The following SUSD2 variants were observed in gnomAD, a reference collection of about 807,000 sequenced individuals.
SUSD2 encodes sushi domain containing 2.
SUSD2 carries 86 observed loss-of-function variants against 93.8 expected under a neutral mutation model. That is an observed-to-expected ratio of 0.92 (90% CI 0.77 to 1.10). The LOEUF (loss-of-function observed/expected upper bound fraction) is 1.10, where lower values mean the gene tolerates loss of function less well. Ranked by LOEUF, SUSD2 falls within the 50% of genes least tolerant of loss-of-function variation. The pLI, the probability that SUSD2 is intolerant of heterozygous loss-of-function variation, is 0.00. For synonymous variants in SUSD2, 483 were observed against 485.0 expected, an observed-to-expected ratio of 1.00 and a Z score of 0.05; for missense variants, 1,060 against 1,137.0, an observed-to-expected ratio of 0.93 and a Z score of 0.97.
Position 24,181,560 on chromosome 22 carries a change from C to A in SUSD2, c.41C>A (p.Ala14Glu). Residue 14 changes from alanine to glutamate, a missense_variant, in exon 1 of 15, where the codon GCG becomes GAG. Physicochemically the swap from Ala to Glu is moderately radical, Grantham distance 107 (BLOSUM62 -1). Coordinates refer to ENST00000358321, the MANE Select transcript of SUSD2 (RefSeq NM_019601.4). ...ALLPWALLLL[A>E]TALGPGPGPT... ...CTGCCCTGGGCCCTGCTGCTGCTGG[C>A]GACAGCCCTCGGCCCGGGCCCCGGA... is the stretch of plus-strand genomic sequence containing the variant. 6.3e-7 allele frequency: 1 copy of A among 1,599,554 alleles called. No homozygotes were observed.
chr22:24,186,234 C>T, intron 9 of SUSD2, 23 bp from the exon 10 acceptor site: 3 of 1,611,756 alleles, frequency 1.9e-6, no homozygotes, highest in Non-Finnish European at 2.5e-6. Flanking sequence ...CAAGTGGCTC[C>T]CGTTCTGCTC....
In SUSD2 at chr22:24,184,308, G is replaced by A; in HGVS notation, c.607+5G>A. 1 of 1,612,476 alleles carries A rather than the reference G, an allele frequency of 6.2e-7. No individual in the cohort carries two copies. The highest frequency in any genetic ancestry group is 8.5e-7 in the Non-Finnish European group (1 of 1,179,556). ...TGTGGGGCTACGAGGAGACAGGTGA[G>A]GCCAGCTGAGGGCTGGGGTGGCATC... On this transcript the variant is annotated splice_donor_5th_base_variant and intron_variant, in intron 4 of 14. Coordinates refer to ENST00000358321, the MANE Select transcript of SUSD2 (RefSeq NM_019601.4).
At chr22:24,184,353 G>C (rs777013435) in intron 4 of SUSD2, 50 bp downstream of exon 4, 9 of 1,578,284 alleles carry the variant, frequency 5.7e-6, no homozygotes, top group Non-Finnish European at 6.9e-6. Context: ...GGCCCCCAGA[G>C]GGGGAGAAAG....
intron 9 of SUSD2, 39 bp downstream of exon 9, chr22:24,186,198 G>A (rs755829583): frequency 2.5e-5 from 40 of 1,609,418 alleles, no homozygotes; most frequent in Non-Finnish European, 3.1e-5. Context: ...TTGGCATGGG[G>A]TAGAACCAAG....
intron 1 of SUSD2, among the ~76,000 whole-genome samples, chr22:24,182,325 C>T (rs1012896722): frequency 2.6e-5 from 4 of 152,156 alleles, no homozygotes; most frequent in African/African-American, 9.7e-5. Context: ...TCTTATGGCC[C>T]ATAGGAGAAG....
chr22:24,185,817 G>A lies in SUSD2; in HGVS notation c.1227G>A (p.Trp409Ter). The change falls in exon 8 of 15, where the codon TGG becomes TGA. Residue 409 changes from tryptophan (W) to a stop codon, truncating the protein, a stop_gained. Transcript: ENST00000358321. LOFTEE classifies it high-confidence loss of function. The stretch of plus-strand genomic sequence containing the variant: ...CCCGAGTGCCCAGCATGTCCCACTG[G>A]CTCTACGATGTCCTCAGCTTCTATT... Reference protein sequence around the residue: ...TPPRVPSMSHWLYDVLSFYYC... With the variant: ...TPPRVPSMSH The A allele has an allele frequency of 6.2e-7, 1 of 1,610,282 alleles. No homozygotes were observed. The highest frequency in any genetic ancestry group is 8.5e-7 in the Non-Finnish European group (1 of 1,178,652).
rs1213929389 is a variant in SUSD2, at chr22:24,186,169, G to A, written c.1483+10G>A. On this transcript the variant is annotated intron_variant, in intron 9 of 14. Transcript: ENST00000358321. ...GGGACGATGTCCAACGGTGAGGCCA[G>A]GGCTAGGGGCTGCTCTGGTTGGCAT... 21 of 1,608,294 alleles carry A rather than the reference G, an allele frequency of 1.3e-5. No individual in the cohort carries two copies. Among genetic ancestry groups the A allele is most frequent in the Non-Finnish European group, 1.5e-5 (18 of 1,177,358 alleles).
rs1377509289 is a variant in SUSD2, at chr22:24,187,338, C to T, written c.1779C>T (p.His593=). ...CTGAGAAGTTCCTCACCCACACCCA[C>T]GGCCTCCTCGGGACACTCAACAACG... ...LLPEKFLTHT[H]GLLGTLNNDP... Residue 593 remains histidine, a synonymous_variant, in exon 11 of 15, where the codon CAC becomes CAT. Transcript: ENST00000358321. The T allele has an allele frequency of 1.1e-5, 17 of 1,613,994 alleles. No individual in the cohort carries two copies. The East Asian group carries it at 1.8e-4, about 17-fold the overall frequency.
intron 1 of SUSD2, among the ~76,000 whole-genome samples, 189 bp downstream of exon 1, chr22:24,181,784 C>T (rs572737272): frequency 5.3e-5 from 8 of 152,268 alleles, no homozygotes; most frequent in Non-Finnish European, 1.2e-4. Context: ...AGGTCTGAGC[C>T]GGGCCCACCC....
At position 24,188,507 on chromosome 22, in the gene SUSD2, C is replaced by T. The variant is rs370372545; in HGVS notation, c.*71C>T. On this transcript the variant is annotated 3_prime_UTR_variant, in exon 15 of 15. Transcript: ENST00000358321. This position sits in a 1 kb window ranked among gnomAD's most constrained non-coding sequence, Gnocchi z 4.7. ...AGGCAGCCCAGTCCTGCGACTCCCG[C>T]ATCCCCAGGACCAGACACCTGGGAC... 1.4e-6 allele frequency: 2 copies of T among 1,469,756 alleles called. No homozygotes were observed. Among genetic ancestry groups the T allele is most frequent in the Non-Finnish European group, 1.9e-6 (2 of 1,063,980 alleles). 91.0% of individuals were successfully genotyped at this position (1,469,756 alleles called of 1,614,324 possible). A position where few individuals can be genotyped will look rare whatever the true frequency, so the allele number is the denominator to read the frequency against.
rs2148867039 is a variant in SUSD2 at position 24,188,538 on chromosome 22, T to C, written c.*102T>C. ...CAGGACCAGACACCTGGGACCTGGATACTTGATACCTGGGCATTTAACCCC... is the reference window on the plus strand; with the variant it reads ...CAGGACCAGACACCTGGGACCTGGACACTTGATACCTGGGCATTTAACCCC... On this transcript the variant is annotated 3_prime_UTR_variant, in exon 15 of 15. Coordinates refer to ENST00000358321, the MANE Select transcript of SUSD2 (RefSeq NM_019601.4). This position sits in a 1 kb window ranked among gnomAD's most constrained non-coding sequence, Gnocchi z 4.7. 8.6e-7 allele frequency: 1 copy of C among 1,156,708 alleles called. No homozygotes were observed. 71.7% of individuals were successfully genotyped at this position (1,156,708 alleles called of 1,614,324 possible).
At position 24,187,753 on chromosome 22, in the gene SUSD2, G is replaced by T. The variant is rs1249759077; in HGVS notation, c.2074G>T (p.Asp692Tyr). Residue 692 changes from aspartate (D) to tyrosine (Y), a missense_variant, in exon 12 of 15, where the codon GAT becomes TAT. Physicochemically the swap from Asp to Tyr is radical, Grantham distance 160 (BLOSUM62 -3). Around this residue, in one of 2 missense-constraint regions of SUSD2, gnomAD observed 973 missense variants for 1,005.3 expected, o/e 0.97. Coordinates refer to ENST00000358321, the MANE Select transcript of SUSD2 (RefSeq NM_019601.4). ...TGGGGACGATCATTTCTGCAACTTT[G>T]ATGTGGCAGCCACTGGGAGCCTGAG... ...LCGDDHFCNF[D>Y]VAATGSLSTG... 1 of 1,613,874 alleles carries T rather than the reference G, an allele frequency of 6.2e-7. No individual in the cohort carries two copies.
chr22:24,188,400 T>C lies in SUSD2; in HGVS notation c.2445-12T>C. 3 of 1,610,774 alleles carry C rather than the reference T, an allele frequency of 1.9e-6. No homozygotes were observed. The highest frequency in any genetic ancestry group is 2.5e-6 in the Non-Finnish European group (3 of 1,179,704). On this transcript the variant is annotated splice_polypyrimidine_tract_variant and intron_variant, in intron 14 of 14. Transcript: ENST00000358321. This position sits in a 1 kb window ranked among gnomAD's most constrained non-coding sequence, Gnocchi z 4.7. ...ACCACCGAGGCTACTTCTAACTGCGTTTCTGTTGCAGGCACGTCTGGGGTG... is the reference window on the plus strand; with the variant it reads ...ACCACCGAGGCTACTTCTAACTGCGCTTCTGTTGCAGGCACGTCTGGGGTG...
At chr22:24,185,420 GT>G in intron 6 of SUSD2, 65 bp from the exon 7 acceptor site, 2 of 1,534,170 alleles carry the variant, frequency 1.3e-6, no homozygotes, top group Non-Finnish European at 1.8e-6. Flanking sequence ...CCCCTGCAGG[GT>G]TGGCCTCAGG....
In SUSD2 at chr22:24,188,006, G is replaced by T. The variant is rs1569341386; in HGVS notation, c.2212G>T (p.Gly738Cys). Reference protein sequence around the residue: ...LAPPPNGQKEGNRYLAGSTIY... With the variant: ...LAPPPNGQKECNRYLAGSTIY... ...CCCACCTCCCAACGGACAAAAGGAG[G>T]GCAACAGGTACCTGGCGGGTTCCAC... The change falls in exon 13 of 15, where the codon GGC (glycine) becomes TGC (cysteine). Residue 738 changes from glycine to cysteine, a missense_variant. Gly to Cys is a radical substitution (Grantham distance 159). Transcript: ENST00000358321. The surrounding 1 kb of genome is among the most constrained non-coding windows in gnomAD (Gnocchi z 4.7). The T allele has an allele frequency of 1.2e-6, 2 of 1,612,892 alleles. No individual in the cohort carries two copies. Among genetic ancestry groups the T allele is most frequent in the Non-Finnish European group, 1.7e-6 (2 of 1,180,002 alleles).
chr22:24,187,910 G>T (rs747687083), intron 12 of SUSD2, 49 bp from the exon 13 acceptor site: 1 of 1,607,514 alleles, frequency 6.2e-7, no homozygotes, highest in Non-Finnish European at 8.5e-7. Context: ...CCAGATGTGT[G>T]TATGCATGGC....
rs900634516 is a variant in SUSD2, at chr22:24,188,319, G to A, written c.2436G>A (p.Lys812=). 2 of 1,606,364 alleles carry A rather than the reference G, an allele frequency of 1.2e-6. No individual in the cohort carries two copies. Among genetic ancestry groups the A allele is most frequent in the Middle Eastern group, 1.7e-4 (1 of 6,030 alleles). The change falls in exon 14 of 15, where the codon AAG becomes AAA. Residue 812 remains lysine (K), a synonymous_variant. Transcript: ENST00000358321. The surrounding 1 kb of genome is among the most constrained non-coding windows in gnomAD (Gnocchi z 4.7). ...ALVYVLLRRR[K]GNTHVWGAQP ...TCTATGTGCTGCTGCGCCGCAGGAAGGGCAACACGTGAGACCCCCCAGCCC... is the reference window on the plus strand; with the variant it reads ...TCTATGTGCTGCTGCGCCGCAGGAAAGGCAACACGTGAGACCCCCCAGCCC...
chr22:24,187,198 C>T lies in SUSD2; in HGVS notation c.1643-4C>T. 6.2e-7 allele frequency: 1 copy of T among 1,611,564 alleles called. No individual in the cohort carries two copies. The highest frequency in any genetic ancestry group is 8.5e-7 in the Non-Finnish European group (1 of 1,179,822). ...TGACCCTAATGCATCCCCCTTGAGC[C>T]CAGGAATGTTCCTGTCGGTGGCTGC... On this transcript the variant is annotated splice_polypyrimidine_tract_variant and splice_region_variant and intron_variant, in intron 10 of 14. Coordinates refer to ENST00000358321, the MANE Select transcript of SUSD2 (RefSeq NM_019601.4).
rs369579937 is a variant in SUSD2, at chr22:24,185,555, C to T, written c.1054C>T (p.Arg352Cys). The change falls in exon 7 of 15, where the codon CGT (arginine) becomes TGT (cysteine). Residue 352 changes from arginine (R) to cysteine (C), a missense_variant. Transcript: ENST00000358321. ...CCACCCCGGGGCCGTGCACTGTGTG[C>T]GTTCTGTGCAGGCCAGGTGAGCCCC... Reference protein sequence around the residue: ...TYHPGAVHCVRSVQASLRYGS... With the variant: ...TYHPGAVHCVCSVQASLRYGS... 9.9e-5 allele frequency: 157 copies of T among 1,589,088 alleles called. No homozygotes were observed. In the South Asian group the frequency reaches 1.6e-3, roughly 16 times the overall value.
Sources: allele counts gnomAD v4.1 joint callset (sites outside exome capture counted in the v4.1 genomes callset), GRCh38; gene constraint gnomAD v4.1.1; regional missense constraint gnomAD v4.1.1; non-coding constraint Gnocchi (gnomAD v3.1); transcripts MANE v1.5; gene names NCBI Gene and HGNC (gene_info 2026-07-23, HGNC 2026-07-21).